TMEM117: variants seen among roughly 807,000 people sequenced by gnomAD.
The protein encoded by TMEM117 is transmembrane protein 117.
In TMEM117, 27 loss-of-function variants were observed where a neutral mutation model predicts 52.4. That is an observed-to-expected ratio of 0.51 (90% CI 0.38 to 0.71). TMEM117 has a LOEUF of 0.71. Ranked by LOEUF, TMEM117 falls within the 30% of genes least tolerant of loss-of-function variation. The probability of loss-of-function intolerance (pLI) is 0.00; values close to 1 mark genes in which losing one functional copy is unlikely to be tolerated. For missense variants in TMEM117, 556 were observed against 630.5 expected (o/e 0.88, Z 1.26); for synonymous variants, 215 against 206.3 (o/e 1.04, Z -0.36).
At chr12:44,318,177 G>C (rs1195998801) in intron 6 of TMEM117, 1 of 152,430 alleles carries the variant, frequency 6.6e-6, no homozygotes, top group East Asian at 1.9e-4. Flanking sequence ...ACCCAGGCAA[G>C]GGGGTACTTC....
intron 3 of TMEM117, among the ~76,000 whole-genome samples, chr12:44,041,394 CTGTATCATGCATGCAA>C (rs1946796382): frequency 6.6e-6 from 1 of 152,024 alleles, no homozygotes; most frequent in African/African-American, 2.4e-5. Flanking sequence ...TTCAAAGAAT[CTGTATCATGCATGCAA>C]TGTTCTCTGA....
At chr12:44,295,358 T>C (rs1366944283) in intron 5 of TMEM117, among the ~76,000 whole-genome samples, 1 of 152,000 alleles carries the variant, frequency 6.6e-6, no homozygotes, top group Non-Finnish European at 1.5e-5. Flanking sequence ...CGCAGGCCAC[T>C]ATGCCTGGCT....
intron 2 of TMEM117, among the ~76,000 whole-genome samples, chr12:43,939,027 AAAAG>A (rs1383994351): frequency 6.6e-5 from 10 of 152,050 alleles, no homozygotes; most frequent in African/African-American, 2.2e-4. Flanking sequence ...AAAAAATAAA[AAAAG>A]AAAAGAAAAT....
chr12:44,206,612 C>T (rs926096863), intron 4 of TMEM117, among the ~76,000 whole-genome samples: 2 of 152,168 alleles, frequency 1.3e-5, no homozygotes, highest in Admixed American at 1.3e-4. Flanking sequence ...TACATAAATA[C>T]CATCAAGTAC....
chr12:44,193,541 C>T (rs1949381859), intron 4 of TMEM117, among the ~76,000 whole-genome samples: 1 of 152,264 alleles, frequency 6.6e-6, no homozygotes, highest in Non-Finnish European at 1.5e-5. Flanking sequence ...AGCCTGTTGT[C>T]AAATCAGAAG....
intron 3 of TMEM117, among the ~76,000 whole-genome samples, chr12:44,131,755 A>G (rs1948417074): frequency 1.3e-5 from 2 of 152,186 alleles, no homozygotes; most frequent in African/African-American, 2.4e-5. Context: ...TGATATTAAT[A>G]TAGCTATACC....
intron 3 of TMEM117, among the ~76,000 whole-genome samples, chr12:44,019,277 T>C (rs1946419830): frequency 6.6e-6 from 1 of 151,902 alleles, no homozygotes; most frequent in Non-Finnish European, 1.5e-5. Context: ...AGGCAAGTCC[T>C]GTAGAGCAGG....
chr12:44,052,305 T>G (rs1946986583), intron 3 of TMEM117, among the ~76,000 whole-genome samples: 1 of 152,128 alleles, frequency 6.6e-6, no homozygotes, highest in Admixed American at 6.6e-5. Context: ...ATAAATACAT[T>G]TATTTATCTG....
chr12:44,022,228 C>A (rs1946466243), intron 3 of TMEM117, among the ~76,000 whole-genome samples: 1 of 152,142 alleles, frequency 6.6e-6, no homozygotes, highest in African/African-American at 2.4e-5. Context: ...TTAGACAAGC[C>A]ATTTAGCCTC....
intron 3 of TMEM117, among the ~76,000 whole-genome samples, chr12:44,067,319 A>C (rs1213894489): frequency 2.0e-5 from 3 of 152,150 alleles, no homozygotes; most frequent in African/African-American, 2.4e-5. Context: ...TCTTAATGTC[A>C]TCTAGAATGG....
At chr12:44,035,792 A>T (rs963080657) in intron 3 of TMEM117, among the ~76,000 whole-genome samples, 1 of 152,206 alleles carries the variant, frequency 6.6e-6, no homozygotes, top group Non-Finnish European at 1.5e-5. Flanking sequence ...AATTGATGTG[A>T]GGTTACACCA....
chr12:44,357,302 T>C (rs1951663295), intron 6 of TMEM117, among the ~76,000 whole-genome samples: 1 of 152,092 alleles, frequency 6.6e-6, no homozygotes, highest in South Asian at 2.1e-4. Context: ...TTTCTCTATC[T>C]TGATGTCTGT....
chr12:43,806,619 G>A, the TMEM117 span, among the ~76,000 whole-genome samples: 1 of 152,136 alleles, frequency 6.6e-6, no homozygotes, highest in African/African-American at 2.4e-5. Flanking sequence ...CAGCAAAGGG[G>A]TGCTCAAAAA....
At position 44,009,973 on chromosome 12, in the gene TMEM117, C is replaced by T. The variant is rs149540356; in HGVS notation, c.410+65631C>T. On this transcript the variant is annotated intron_variant, in intron 3 of 7. Transcript: ENST00000266534. ...GCCTCTGGCGTTCCAGTTGCTTCAT[C>T]GTATCAGAAGGTCTGGAAGTGCCTG... is the stretch of plus-strand genomic sequence containing the variant. 3.9e-3 allele frequency: 1,120 copies of T among 288,778 alleles called. 13 individuals are homozygous for T. The highest frequency in any genetic ancestry group is 0.034 in the Middle Eastern group (37 of 1,102). The allele number at this position is 288,778 out of a possible 1,614,324, so 17.9% of individuals were successfully genotyped here. A position where few individuals can be genotyped will look rare whatever the true frequency, so the allele number is the denominator to read the frequency against.
intron 6 of TMEM117, among the ~76,000 whole-genome samples, chr12:44,328,798 G>A (rs1247617781): frequency 6.6e-6 from 1 of 151,992 alleles, no homozygotes; most frequent in African/African-American, 2.4e-5. Context: ...AAAAGAAAGT[G>A]TCATAAATAG....
At chr12:43,944,419 G>T in intron 3 of TMEM117, 77 bp downstream of exon 3, 1 of 1,362,350 alleles carries the variant, frequency 7.3e-7, no homozygotes, top group Non-Finnish European at 1.0e-6. Context: ...TTTTTAGCTT[G>T]TAGTAGTCTA....
intron 3 of TMEM117, among the ~76,000 whole-genome samples, chr12:43,969,355 C>CCAAAAAAAAA (rs1945539243): frequency 2.5e-4 from 1 of 4,026 alleles, no homozygotes; most frequent in Non-Finnish European, 1.1e-3. Context: ...CCCGTCTCTA[C>CCAAAAAAAAA]TAAAAAAAAA....
At chr12:43,925,672 A>G (rs1007195094) in intron 2 of TMEM117, among the ~76,000 whole-genome samples, 8 of 152,058 alleles carry the variant, frequency 5.3e-5, no homozygotes, top group Non-Finnish European at 1.2e-4. Flanking sequence ...CTATTTAAAA[A>G]CCTGTGCTTA....
intron 3 of TMEM117, among the ~76,000 whole-genome samples, chr12:44,007,409 T>C (rs1946216215): frequency 6.6e-6 from 1 of 152,200 alleles, no homozygotes; most frequent in Admixed American, 6.5e-5. Context: ...TCCTCTTTTT[T>C]TTTCTTGCCT....
Sources: gnomAD v4.1 joint callset for allele counts (sites outside exome capture counted in the v4.1 genomes callset) on GRCh38, gnomAD v4.1.1 for gene constraint, MANE v1.5 for transcripts, NCBI Gene and HGNC (gene_info 2026-07-23, HGNC 2026-07-21) for gene names.